Variants in LCA5L observed in about 807,000 individuals in gnomAD.
LCA5L encodes the protein lebercilin LCA5 like.
LCA5L carries 35 observed loss-of-function variants against 45.4 expected under a neutral mutation model. The observed-to-expected ratio is 0.77, with a 90% confidence interval of 0.59 to 1.02. The LOEUF is 1.02. Ranked by LOEUF, LCA5L falls within the 50% of genes least tolerant of loss-of-function variation. The pLI is 0.00. For synonymous variants in LCA5L, 233 were observed against 264.7 expected, an observed-to-expected ratio of 0.88 and a Z score of 1.16; for missense variants, 668 against 761.6, an observed-to-expected ratio of 0.88 and a Z score of 1.45.
chr21:39,428,165 T>G lies in LCA5L; in HGVS notation c.322+7A>C. 1.3e-6 allele frequency: 2 copies of G among 1,529,556 alleles called. No individual in the cohort carries two copies. The highest frequency in any genetic ancestry group is 2.5e-5 in the South Asian group (2 of 81,606). 94.7% of individuals were successfully genotyped at this position (1,529,556 alleles called of 1,614,324 possible). On this transcript the variant is annotated splice_region_variant and intron_variant, in intron 5 of 10. Transcript: ENST00000288350. ...TTTGGTCTTGCTTGGGAAATTTTAC[T>G]CCTTACCTTTAGATTGGGAGATTTT...
intron 5 of LCA5L, among the ~76,000 whole-genome samples, chr21:39,425,114 A>G (rs2074440220): frequency 6.6e-6 from 1 of 152,230 alleles, no homozygotes; most frequent in African/African-American, 2.4e-5. Flanking sequence ...TCATATATCT[A>G]GATTCGGAGA....
chr21:39,423,333 A>G lies in LCA5L; in HGVS notation c.480T>C (p.Asp160=). The part of the protein sequence containing the change: ...KIKGLKNELA[D]MHHKLEAILT... ...GGATGGCTTCCAATTTATGATGCAT[A>G]TCAGCTAATTCATTTTTTAGTCCTT... Residue 160 remains aspartate, a synonymous_variant, in exon 6 of 11, where the codon GAT becomes GAC. Coordinates refer to ENST00000288350, the MANE Select transcript of LCA5L (RefSeq NM_152505.4). The G allele has an allele frequency of 6.2e-7, 1 of 1,613,184 alleles. No individual in the cohort carries two copies. The highest frequency in any genetic ancestry group is 1.1e-5 in the South Asian group (1 of 90,882).
chr21:39,425,241 T>C (rs1227956801), intron 5 of LCA5L, among the ~76,000 whole-genome samples: 2 of 152,144 alleles, frequency 1.3e-5, no homozygotes, highest in Non-Finnish European at 2.9e-5. Context: ...CTGGTCCAAG[T>C]GTGGACACAT....
In LCA5L at chr21:39,413,575, T is replaced by C. The variant is rs2040485790; in HGVS notation, c.976-1773A>G. 2.6e-5 allele frequency among the ~76,000 whole-genome samples: 4 copies of C among 152,220 alleles called. No homozygotes were observed. The South Asian group carries it at 8.3e-4, about 32-fold the overall frequency. On this transcript the variant is annotated intron_variant, in intron 7 of 10. Coordinates refer to ENST00000288350, the MANE Select transcript of LCA5L (RefSeq NM_152505.4). ...CAGAGGTACACAAAGGGATAAAACA[T>C]GAGAATATTAATCTTTTCTAGAATT...
At chr21:39,411,948 A>C in intron 7 of LCA5L, 146 bp from the exon 8 acceptor site, 1 of 535,632 alleles carries the variant, frequency 1.9e-6, no homozygotes, top group Non-Finnish European at 3.4e-6. Context: ...ATATCATCCT[A>C]TACCATTCCT....
At chr21:39,428,590 ATATATATATTTTTTTTTTTTTTT>A (rs2075210502) in intron 4 of LCA5L, 87 bp from the exon 5 acceptor site, 1 of 35,320 alleles carries the variant, frequency 2.8e-5, no homozygotes, top group African/African-American at 9.6e-5. Flanking sequence ...ATATATATAT[ATATATATATTTTTTTTTTTTTTT>A]TTTTTTTTTT....
At chr21:39,410,221 G>T in intron 9 of LCA5L, 43 bp downstream of exon 9, 1 of 1,316,792 alleles carries the variant, frequency 7.6e-7, no homozygotes, top group Non-Finnish European at 1.1e-6. Context: ...TTTTTGTTAA[G>T]ACATGTTTAA....
At chr21:39,420,888 T>G (rs780616784) in intron 6 of LCA5L, 45 bp from the exon 7 acceptor site, 15 of 1,473,902 alleles carry the variant, frequency 1.0e-5, no homozygotes, top group Non-Finnish European at 1.3e-5. Context: ...CAAGTTAGTA[T>G]GTTAAAAACT....
intron 2 of LCA5L, among the ~76,000 whole-genome samples, chr21:39,440,986 T>C (rs1343831168): frequency 3.3e-5 from 5 of 152,214 alleles, no homozygotes; most frequent in Non-Finnish European, 7.3e-5. Context: ...TCCCAATTTT[T>C]TGCTTCAGAA....
At chr21:39,430,487 C>T (rs1016707139) in intron 3 of LCA5L, among the ~76,000 whole-genome samples, 8 of 152,138 alleles carry the variant, frequency 5.3e-5, no homozygotes, top group African/African-American at 1.9e-4. Context: ...TGAAGGCAGA[C>T]CGGCTTGGGT....
At chr21:39,427,589 G>A (rs1041137644) in intron 5 of LCA5L, among the ~76,000 whole-genome samples, 3 of 151,336 alleles carry the variant, frequency 2.0e-5, no homozygotes, top group Non-Finnish European at 4.4e-5. Context: ...GTGAACCCGG[G>A]AGGCAGAGCT....
intron 2 of LCA5L, among the ~76,000 whole-genome samples, chr21:39,442,346 T>G (rs2148328096): frequency 6.6e-6 from 1 of 152,248 alleles, no homozygotes; most frequent in Non-Finnish European, 1.5e-5. Flanking sequence ...CTGCAGGGCC[T>G]TCGGAAGGCG....
chr21:39,409,744 C>T lies in LCA5L; in HGVS notation c.1282+235G>A, dbSNP rs188006848. On this transcript the variant is annotated intron_variant, in intron 10 of 10. Transcript: ENST00000288350. This position sits in a 1 kb window ranked among gnomAD's most constrained non-coding sequence, Gnocchi z 4.2. ...AGTAGCTGGGATTACAGGCACATAC[C>T]GCCATGTGCGGTTAAGTTTTGTATT... is the stretch of plus-strand genomic sequence containing the variant. Among the ~76,000 whole-genome samples, 6 of 152,220 alleles carry T rather than the reference C, an allele frequency of 3.9e-5. No homozygotes were observed. Among genetic ancestry groups the T allele is most frequent in the Non-Finnish European group, 7.4e-5 (5 of 68,010 alleles).
intron 2 of LCA5L, among the ~76,000 whole-genome samples, chr21:39,442,930 C>T (rs2077016184): frequency 6.6e-6 from 1 of 152,010 alleles, no homozygotes; most frequent in Admixed American, 6.6e-5. Context: ...GAACAGATGC[C>T]GAGCTTTGAG....
At chr21:39,444,705 T>C (rs9983435) in intron 1 of LCA5L, 78,026 of 151,628 alleles carry the variant, frequency 0.51, 20,468 homozygotes, top group East Asian at 0.67. Flanking sequence ...GGTAGAATTG[T>C]GAATCTATTC....
chr21:39,430,830 T>G (rs536300270), intron 3 of LCA5L, among the ~76,000 whole-genome samples: 3 of 152,344 alleles, frequency 2.0e-5, no homozygotes, highest in African/African-American at 7.2e-5. Flanking sequence ...GTCACTGTTA[T>G]TTCTGTAGAC....
intron 8 of LCA5L, 48 bp from the exon 9 acceptor site, chr21:39,410,415 T>G (rs2147171787): frequency 1.0e-6 from 1 of 966,246 alleles, no homozygotes; most frequent in East Asian, 2.4e-5. Context: ...TACATTTGGA[T>G]ACAATATTGA....
At chr21:39,430,404 C>A (rs1222087260) in intron 3 of LCA5L, among the ~76,000 whole-genome samples, 1 of 152,180 alleles carries the variant, frequency 6.6e-6, no homozygotes, top group Non-Finnish European at 1.5e-5. Flanking sequence ...GAGTGTTTTT[C>A]ATGTTACATT....
rs1291165733 is a variant in LCA5L at position 39,409,473 on chromosome 21, G to A, written c.1282+506C>T. ...GGTGGTGGTTTCTGGTGGGCAGGGC[G>A]AGGGGATATGATTGTGAAGGGCCCA... On this transcript the variant is annotated intron_variant, in intron 10 of 10. Coordinates refer to ENST00000288350, the MANE Select transcript of LCA5L (RefSeq NM_152505.4). The surrounding 1 kb of genome is among the most constrained non-coding windows in gnomAD (Gnocchi z 4.2). 6.6e-6 allele frequency among the ~76,000 whole-genome samples: 1 copy of A among 152,186 alleles called. No individual in the cohort carries two copies. The highest frequency in any genetic ancestry group is 2.4e-5 in the African/African-American group (1 of 41,438).
Sources: gnomAD v4.1 joint callset for allele counts (sites outside exome capture counted in the v4.1 genomes callset) on GRCh38, gnomAD v4.1.1 for gene constraint, Gnocchi (gnomAD v3.1) non-coding constraint, MANE v1.5 for transcripts, NCBI Gene and HGNC (gene_info 2026-07-23, HGNC 2026-07-21) for gene names.